Variants in EFCAB6 observed in about 807,000 individuals in gnomAD.
EFCAB6 encodes EF-hand calcium binding domain 6.
A neutral mutation model predicts 169.8 loss-of-function variants in EFCAB6; 156 were observed. The ratio of observed to expected loss-of-function variants is 0.92; its 90% CI spans 0.81 to 1.05. EFCAB6 has a LOEUF of 1.05. EFCAB6 is among the 50% of genes least tolerant of loss of function. The pLI is 0.00. For missense variants in EFCAB6, 1,800 were observed against 1,829.1 expected (o/e 0.98, Z 0.29); for synonymous variants, 698 against 676.4 (o/e 1.03, Z -0.50).
chr22:43,800,083 C>G (rs73174386), intron 2 of EFCAB6, among the ~76,000 whole-genome samples: 3,032 of 152,284 alleles, frequency 0.02, 44 homozygotes, highest in Non-Finnish European at 0.028. Context: ...TGAAAAACTG[C>G]TCTCTAACTC....
At chr22:43,740,059 C>G (rs1430618665) in intron 6 of EFCAB6, among the ~76,000 whole-genome samples, 1 of 152,052 alleles carries the variant, frequency 6.6e-6, no homozygotes, top group Non-Finnish European at 1.5e-5. Flanking sequence ...CTCCCCATGA[C>G]TGCTCAGCCC....
chr22:43,554,291 A>C (rs2048563165), intron 27 of EFCAB6: 1 of 153,472 alleles, frequency 6.5e-6, no homozygotes, highest in Non-Finnish European at 1.4e-5. Flanking sequence ...CGGCTCATAG[A>C]AAAATGCAAG....
chr22:43,774,511 C>A (rs1039227723), intron 3 of EFCAB6, among the ~76,000 whole-genome samples: 1 of 151,664 alleles, frequency 6.6e-6, no homozygotes, highest in African/African-American at 2.4e-5. Flanking sequence ...GCCCAGCGCA[C>A]GCAGGGCCTG....
chr22:43,612,148 T>C (rs1423713673), intron 21 of EFCAB6, among the ~76,000 whole-genome samples: 1 of 152,110 alleles, frequency 6.6e-6, no homozygotes, highest in Non-Finnish European at 1.5e-5. Context: ...TTATAACAAA[T>C]ACCCCTTCCT....
At chr22:43,551,908 A>C (rs192359514) in intron 27 of EFCAB6, 191 of 147,524 alleles carry the variant, frequency 1.3e-3, no homozygotes, top group African/African-American at 4.6e-3. Context: ...GCTCACTGCA[A>C]CCTCTGCCTC....
intron 26 of EFCAB6, among the ~76,000 whole-genome samples, chr22:43,555,729 C>G (rs906537117): frequency 6.6e-6 from 1 of 152,198 alleles, no homozygotes; most frequent in African/African-American, 2.4e-5. Context: ...TGCTCTGCCC[C>G]ACTCCTTGGG....
At chr22:43,714,925 T>C (rs987628900) in intron 9 of EFCAB6, among the ~76,000 whole-genome samples, 1 of 151,876 alleles carries the variant, frequency 6.6e-6, no homozygotes, top group Non-Finnish European at 1.5e-5. Flanking sequence ...TAAAACAAAG[T>C]CAAAACAACA....
At chr22:43,630,783 C>T (rs555694661) in intron 19 of EFCAB6, among the ~76,000 whole-genome samples, 2 of 152,366 alleles carry the variant, frequency 1.3e-5, no homozygotes, top group South Asian at 2.1e-4. Flanking sequence ...CTGCCTCCTC[C>T]ACGCTGGAGC....
intron 8 of EFCAB6, among the ~76,000 whole-genome samples, chr22:43,721,748 A>G (rs2059534685): frequency 6.6e-6 from 1 of 152,176 alleles, no homozygotes; most frequent in Non-Finnish European, 1.5e-5. Flanking sequence ...TTAACTCAAG[A>G]TGGATGAAAG....
At chr22:43,610,293 A>G (rs1042477151) in intron 21 of EFCAB6, among the ~76,000 whole-genome samples, 1 of 152,258 alleles carries the variant, frequency 6.6e-6, no homozygotes, top group African/African-American at 2.4e-5. Flanking sequence ...TCCACAGAGC[A>G]GTGTATACTA....
chr22:43,645,403 T>A (rs1301553519), intron 17 of EFCAB6, among the ~76,000 whole-genome samples: 1 of 152,244 alleles, frequency 6.6e-6, no homozygotes, highest in African/African-American at 2.4e-5. Context: ...TTTGTGCACA[T>A]GTGAGAGGGT....
chr22:43,627,935 T>C (rs1157549277), intron 19 of EFCAB6, among the ~76,000 whole-genome samples: 2 of 152,254 alleles, frequency 1.3e-5, no homozygotes, highest in Non-Finnish European at 2.9e-5. Context: ...ACTGTGGAAA[T>C]GAATTTAAAA....
intron 22 of EFCAB6, among the ~76,000 whole-genome samples, chr22:43,600,809 C>G (rs1471379581): frequency 2.0e-5 from 3 of 152,032 alleles, no homozygotes; most frequent in African/African-American, 7.2e-5. Context: ...GATTACAGCG[C>G]CGGCCACCAT....
chr22:43,807,632 A>C (rs1569497650), intron 2 of EFCAB6, among the ~76,000 whole-genome samples: 1 of 152,360 alleles, frequency 6.6e-6, no homozygotes, highest in East Asian at 1.9e-4. Flanking sequence ...TGCACAGCCA[A>C]ATAGAAATGG....
intron 12 of EFCAB6, among the ~76,000 whole-genome samples, chr22:43,679,213 T>C (rs1293719263): frequency 6.6e-6 from 1 of 152,226 alleles, no homozygotes; most frequent in Non-Finnish European, 1.5e-5. Flanking sequence ...GATATTTGCC[T>C]TTTTCTGGAT....
chr22:43,795,798 T>C lies in EFCAB6; in HGVS notation c.-8+13197A>G, dbSNP rs1194984634. On this transcript the variant is annotated intron_variant, in intron 2 of 31. Transcript: ENST00000262726. This position sits in a 1 kb window ranked among gnomAD's most constrained non-coding sequence, Gnocchi z 4.2. The stretch of plus-strand genomic sequence containing the variant: ...ATAAATGGTTTTCACAGCCCTGCCA[T>C]TCAGACAGCACTCGCCTCCCAACAC... Among the ~76,000 whole-genome samples the C allele has an allele frequency of 6.8e-6, 1 of 147,936 alleles. No homozygotes were observed. Among genetic ancestry groups the C allele is most frequent in the Non-Finnish European group, 1.5e-5 (1 of 66,938 alleles).
intron 26 of EFCAB6, among the ~76,000 whole-genome samples, chr22:43,565,605 C>T (rs898755777): frequency 1.3e-5 from 2 of 152,166 alleles, no homozygotes; most frequent in African/African-American, 4.8e-5. Context: ...TTAGCAAGGT[C>T]CATCTAGCTG....
At chr22:43,710,585 A>T (rs931774982) in intron 10 of EFCAB6, among the ~76,000 whole-genome samples, 1 of 152,204 alleles carries the variant, frequency 6.6e-6, no homozygotes, top group Admixed American at 6.5e-5. Flanking sequence ...TGTTGTCACC[A>T]AATAGTTGGA....
chr22:43,535,871 G>A (rs1246046578), intron 29 of EFCAB6: 1 of 152,248 alleles, frequency 6.6e-6, no homozygotes, highest in East Asian at 1.9e-4. Context: ...TTGCACACAG[G>A]GAAGCAGCAG....
Sources: gnomAD v4.1 joint callset for allele counts (sites outside exome capture counted in the v4.1 genomes callset) on GRCh38, gnomAD v4.1.1 for gene constraint, Gnocchi (gnomAD v3.1) non-coding constraint, MANE v1.5 for transcripts, NCBI Gene and HGNC (gene_info 2026-07-23, HGNC 2026-07-21) for gene names.